The following DEFB110 variants were observed in gnomAD, a reference collection of about 807,000 sequenced individuals.
The protein encoded by DEFB110 is defensin beta 110.
In DEFB110, 4 loss-of-function variants were observed where a neutral mutation model predicts 2.5. The ratio of observed to expected loss-of-function variants is 1.60; its 90% CI spans 0.79 to 3.66. The LOEUF is 3.66. DEFB110 is among the 30% of genes most tolerant of loss of function. DEFB110 has a pLI of 0.01. For synonymous variants in DEFB110, 29 were observed against 21.8 expected (o/e 1.33, Z -0.92); for missense variants, 94 against 75.4 (o/e 1.25, Z -0.91).
chr6:50,021,364 A>G (rs867966622), intron 1 of DEFB110, among the ~76,000 whole-genome samples: 1 of 152,148 alleles, frequency 6.6e-6, no homozygotes, highest in Non-Finnish European at 1.5e-5. Context: ...CTTGAGCACA[A>G]ATTCACTCCT....
intron 1 of DEFB110, among the ~76,000 whole-genome samples, chr6:50,009,495 T>C (rs1395281046): frequency 6.6e-6 from 1 of 152,162 alleles, no homozygotes; most frequent in Non-Finnish European, 1.5e-5. Flanking sequence ...ATCTTGCAGC[T>C]CACATCCATA....
downstream of DEFB110, among the ~76,000 whole-genome samples, chr6:50,018,583 C>A (rs1436066242): frequency 6.6e-6 from 1 of 151,910 alleles, no homozygotes; most frequent in Non-Finnish European, 1.5e-5. Context: ...GGAACAGTAT[C>A]TAATAAAATA....
At chr6:50,013,623 T>C (rs1224263963) in intron 1 of DEFB110, among the ~76,000 whole-genome samples, 1 of 151,732 alleles carries the variant, frequency 6.6e-6, no homozygotes, top group Non-Finnish European at 1.5e-5. Flanking sequence ...ACAGTCTAAA[T>C]AAGAAATGAT....
intron 1 of DEFB110, among the ~76,000 whole-genome samples, chr6:50,010,237 A>G (rs1774205403): frequency 6.6e-6 from 1 of 151,988 alleles, no homozygotes; most frequent in Non-Finnish European, 1.5e-5. Flanking sequence ...TAATTTTGTT[A>G]AAATTTAGAG....
downstream of DEFB110, chr6:50,018,836 T>A: frequency 7.4e-7 from 1 of 1,355,520 alleles, no homozygotes; most frequent in Non-Finnish European, 9.4e-7. Flanking sequence ...TGACATATGA[T>A]CACTTCTGAA....
intron 1 of DEFB110, among the ~76,000 whole-genome samples, chr6:50,010,883 T>G (rs1774215486): frequency 6.6e-6 from 1 of 151,730 alleles, no homozygotes; most frequent in South Asian, 2.1e-4. Flanking sequence ...TAAGATATAT[T>G]CAAATTAGAA....
At chr6:50,018,356 C>A (rs1022911718), downstream of DEFB110, among the ~76,000 whole-genome samples, 3 of 151,858 alleles carry the variant, frequency 2.0e-5, no homozygotes, top group Admixed American at 2.0e-4. Context: ...ATTCTCCTTT[C>A]TTTTTACTAC....
chr6:50,014,202 AAT>A (rs1173962132), downstream of DEFB110, among the ~76,000 whole-genome samples: 2 of 151,874 alleles, frequency 1.3e-5, no homozygotes, highest in African/African-American at 2.4e-5. Flanking sequence ...CAGCAAGATA[AAT>A]AATTAAAATA....
chr6:50,010,169 T>A (rs1774203494), intron 1 of DEFB110, among the ~76,000 whole-genome samples: 1 of 151,926 alleles, frequency 6.6e-6, no homozygotes, highest in Admixed American at 6.6e-5. Flanking sequence ...AGAAATATAT[T>A]TTGAGTATTA....
chr6:50,016,695 C>A (rs926144605), downstream of DEFB110, among the ~76,000 whole-genome samples: 2 of 150,770 alleles, frequency 1.3e-5, no homozygotes, highest in Admixed American at 1.3e-4. Flanking sequence ...CTTTTTTTCA[C>A]GCAGAAAACA....
chr6:50,012,555 T>G (rs981209731), intron 1 of DEFB110, among the ~76,000 whole-genome samples: 1 of 151,964 alleles, frequency 6.6e-6, no homozygotes, highest in East Asian at 1.9e-4. Flanking sequence ...CATTTAGTAA[T>G]ACTTCAGAGG....
intron 1 of DEFB110, chr6:50,009,305 C>T: frequency 6.4e-7 from 1 of 1,563,368 alleles, no homozygotes; most frequent in Non-Finnish European, 8.6e-7. Context: ...AGTTATTAGT[C>T]TATTATTGAT....
intron 1 of DEFB110, among the ~76,000 whole-genome samples, chr6:50,019,408 T>C (rs1009396917): frequency 1.3e-5 from 2 of 152,104 alleles, no homozygotes; most frequent in Non-Finnish European, 1.5e-5. Context: ...CCATAATTTA[T>C]CTTTTGGTCA....
At chr6:50,009,970 A>C (rs965797203) in intron 1 of DEFB110, among the ~76,000 whole-genome samples, 10 of 152,062 alleles carry the variant, frequency 6.6e-5, no homozygotes, top group Non-Finnish European at 1.5e-4. Context: ...AAAGGGAGGT[A>C]AATTATTTTG....
intron 1 of DEFB110, among the ~76,000 whole-genome samples, chr6:50,012,927 A>G (rs1167834258): frequency 2.0e-5 from 3 of 151,860 alleles, no homozygotes; most frequent in African/African-American, 7.2e-5. Context: ...CAATTCTGAG[A>G]TATAAGCAAA....
chr6:50,009,803 A>G (rs929131668), intron 1 of DEFB110, among the ~76,000 whole-genome samples: 3 of 152,146 alleles, frequency 2.0e-5, no homozygotes, highest in African/African-American at 7.2e-5. Flanking sequence ...ATCTACATAG[A>G]GAAACATAAT....
At chr6:50,020,402 C>A (rs866143272) in intron 1 of DEFB110, among the ~76,000 whole-genome samples, 11 of 150,972 alleles carry the variant, frequency 7.3e-5, no homozygotes, top group Non-Finnish European at 7.4e-5. Context: ...TAAATTGTAC[C>A]CTGGCCGATT....
chr6:50,009,340 G>C (rs1774188577), intron 1 of DEFB110: 15 of 1,476,180 alleles, frequency 1.0e-5, no homozygotes, highest in Non-Finnish European at 1.4e-5. Flanking sequence ...GCTAAAGAAA[G>C]ACAAAAACTG....
downstream of DEFB110, among the ~76,000 whole-genome samples, chr6:50,017,058 G>A (rs1008667430): frequency 6.6e-6 from 1 of 151,630 alleles, no homozygotes; most frequent in Non-Finnish European, 1.5e-5. Flanking sequence ...TTCTGATTTA[G>A]ATGTCTTGAT....
Sources: gnomAD v4.1 joint callset for allele counts (sites outside exome capture counted in the v4.1 genomes callset) on GRCh38, gnomAD v4.1.1 for gene constraint, MANE v1.5 for transcripts, NCBI Gene and HGNC (gene_info 2026-07-23, HGNC 2026-07-21) for gene names.